Variants in HDAC8 observed in about 807,000 individuals in gnomAD.
The protein encoded by HDAC8 is histone deacetylase-like 1.
In HDAC8, 1 loss-of-function variant was observed where a neutral mutation model predicts 32.2. The ratio of observed to expected loss-of-function variants is 0.03; its 90% CI spans 0.01 to 0.15. The LOEUF (loss-of-function observed/expected upper bound fraction) is 0.15. Among genes scored for constraint, HDAC8 ranks in the 10% least tolerant of loss-of-function variants. The probability of loss-of-function intolerance (pLI) is 1.00; values close to 1 mark genes in which losing one functional copy is unlikely to be tolerated. For synonymous variants in HDAC8, 108 were observed against 113.9 expected, an observed-to-expected ratio of 0.95 and a Z score of 0.33; for missense variants, 117 against 300.0, an observed-to-expected ratio of 0.39 and a Z score of 4.51.
chrX:72,383,599 G>C (rs922093399), intron 9 of HDAC8, among the ~76,000 whole-genome samples: 1 of 111,556 alleles, frequency 9.0e-6, no homozygotes, highest in South Asian at 3.8e-4. Context: ...GGCCGGGCAC[G>C]GTGGCTCACG....
intron 9 of HDAC8, among the ~76,000 whole-genome samples, chrX:72,382,611 C>G (rs781909231): frequency 8.9e-6 from 1 of 112,287 alleles, no homozygotes; most frequent in South Asian, 3.6e-4. Flanking sequence ...CCCTTTAAAA[C>G]ATTCGGTTAA....
intron 4 of HDAC8, among the ~76,000 whole-genome samples, chrX:72,536,218 C>T (rs1464569253): frequency 9.0e-6 from 1 of 111,726 alleles, no homozygotes; most frequent in African/African-American, 3.3e-5. Flanking sequence ...TTTATAACTG[C>T]ATTATTTCCT....
intron 9 of HDAC8, among the ~76,000 whole-genome samples, chrX:72,442,074 G>A (rs1745878622): frequency 1.8e-5 from 2 of 111,332 alleles, no homozygotes; most frequent in South Asian, 3.8e-4. Flanking sequence ...GTACCTGAAA[G>A]TGACGGGGAG....
chrX:72,500,582 T>G (rs2049179112), intron 4 of HDAC8, among the ~76,000 whole-genome samples: 1 of 111,815 alleles, frequency 8.9e-6, no homozygotes, highest in African/African-American at 3.3e-5. Flanking sequence ...TCAACACCCC[T>G]TCATGTTAAA....
At chrX:72,572,618 A>ACCCCC in intron 1 of HDAC8, 33 bp downstream of exon 1, 1 of 393,976 alleles carries the variant, frequency 2.5e-6, no homozygotes. Context: ...CCCACCCCCA[A>ACCCCC]AGCCCATGGT....
chrX:72,413,429 T>C (rs1430281671), intron 9 of HDAC8, among the ~76,000 whole-genome samples: 3 of 110,451 alleles, frequency 2.7e-5, no homozygotes, highest in Non-Finnish European at 3.8e-5. Flanking sequence ...TCATGTCCTT[T>C]GTAGGGACAT....
At chrX:72,337,200 A>G (rs781792029) in intron 10 of HDAC8, among the ~76,000 whole-genome samples, 14 of 112,165 alleles carry the variant, frequency 1.2e-4, no homozygotes, top group Non-Finnish European at 2.6e-4. Context: ...AATCTTTTTA[A>G]TGTGGAGCAG....
chrX:72,469,355 T>G (rs1371948808), intron 7 of HDAC8, among the ~76,000 whole-genome samples: 1 of 111,420 alleles, frequency 9.0e-6, no homozygotes, highest in Non-Finnish European at 1.9e-5. Context: ...TTTTTAATTT[T>G]TTTTGTTGCC....
intron 9 of HDAC8, among the ~76,000 whole-genome samples, chrX:72,388,755 G>C (rs929186752): frequency 9.0e-6 from 1 of 110,944 alleles, no homozygotes. Context: ...CATGGTGAAG[G>C]GGGTAGCTGA....
intron 9 of HDAC8, among the ~76,000 whole-genome samples, chrX:72,411,320 G>A (rs1173042219): frequency 9.0e-6 from 1 of 111,329 alleles, no homozygotes; most frequent in Non-Finnish European, 1.9e-5. Context: ...CACCGCTCCC[G>A]GCTGCTCTTT....
intron 9 of HDAC8, among the ~76,000 whole-genome samples, chrX:72,366,717 G>A (rs2044709797): frequency 8.9e-6 from 1 of 112,010 alleles, no homozygotes; most frequent in Admixed American, 9.5e-5. Flanking sequence ...GTCAGGCCTG[G>A]TCATTGTCAG....
At chrX:72,558,222 C>T (rs1159134394) in intron 4 of HDAC8, among the ~76,000 whole-genome samples, 1 of 111,737 alleles carries the variant, frequency 8.9e-6, no homozygotes, top group Non-Finnish European at 1.9e-5. Context: ...AAGAGGGAAT[C>T]CTCCCTAAAT....
At chrX:72,511,735 A>G (rs782044129) in intron 4 of HDAC8, among the ~76,000 whole-genome samples, 26 of 112,213 alleles carry the variant, frequency 2.3e-4, no homozygotes, top group Non-Finnish European at 4.3e-4. Flanking sequence ...AATCTAGAGT[A>G]ATTTTTGACA....
Position 72,337,486 on chromosome X carries a change from C to T in HDAC8, c.1112-7410G>A, listed in dbSNP as rs782132529. 8.1e-5 allele frequency among the ~76,000 whole-genome samples: 9 copies of T among 111,198 alleles called. No individual in the cohort carries two copies. In the South Asian group the frequency reaches 3.5e-3, roughly 44 times the overall value. ...GTCATCCTTACTCCTCCTTTGTTTA[C>T]AACCTTCCTTTTCAATCTATTAGCA... On this transcript the variant is annotated intron_variant, in intron 10 of 10. Transcript: ENST00000373573.
intron 4 of HDAC8, among the ~76,000 whole-genome samples, chrX:72,539,295 G>A (rs978846531): frequency 2.7e-5 from 3 of 111,243 alleles, no homozygotes; most frequent in Admixed American, 9.5e-5. Context: ...GCAGTGGCAC[G>A]ATCTCCGCTC....
At chrX:72,373,302 T>C (rs1000095715) in intron 9 of HDAC8, among the ~76,000 whole-genome samples, 1 of 112,096 alleles carries the variant, frequency 8.9e-6, no homozygotes, top group African/African-American at 3.2e-5. Context: ...ATTTACAAAG[T>C]TGTGCAACCA....
At chrX:72,561,481 A>G (rs1906685648) in intron 4 of HDAC8, among the ~76,000 whole-genome samples, 1 of 112,350 alleles carries the variant, frequency 8.9e-6, no homozygotes, top group Non-Finnish European at 1.9e-5. Context: ...GGCAAGCCAC[A>G]TGTAGAAGAA....
At chrX:72,562,603 C>G (rs1342875628) in intron 4 of HDAC8, among the ~76,000 whole-genome samples, 5 of 110,343 alleles carry the variant, frequency 4.5e-5, no homozygotes, top group Non-Finnish European at 9.5e-5. Context: ...ATGGGTGCAC[C>G]AAAAGCTCAG....
At chrX:72,394,692 G>C (rs1464151533) in intron 9 of HDAC8, among the ~76,000 whole-genome samples, 1 of 111,859 alleles carries the variant, frequency 8.9e-6, no homozygotes, top group Non-Finnish European at 1.9e-5. Flanking sequence ...GCTCTGAGAC[G>C]CCTCTGTAGA....
Sources: allele counts gnomAD v4.1 joint callset (sites outside exome capture counted in the v4.1 genomes callset), GRCh38; gene constraint gnomAD v4.1.1; transcripts MANE v1.5; gene names NCBI Gene and HGNC (gene_info 2026-07-23, HGNC 2026-07-21).